Variants in METTL22 observed in about 807,000 individuals in gnomAD.
METTL22 encodes the protein methyltransferase-like protein 22.
A neutral mutation model predicts 48.4 loss-of-function variants in METTL22; 51 were observed. The ratio of observed to expected loss-of-function variants is 1.05; its 90% CI spans 0.84 to 1.33. The LOEUF is 1.33. Ranked by LOEUF, METTL22 falls within the 40% of genes most tolerant of loss-of-function variation. METTL22 has a pLI of 0.00. For missense variants in METTL22, 678 were observed against 526.9 expected (o/e 1.29, Z -2.81); for synonymous variants, 255 against 214.1 (o/e 1.19, Z -1.67).
chr16:8,643,590 G>GT, intron 9 of METTL22, among the ~76,000 whole-genome samples: 1 of 152,256 alleles, frequency 6.6e-6, no homozygotes, highest in East Asian at 1.9e-4. Flanking sequence ...GCTGAAGCTG[G>GT]TAATGGGTTC....
At chr16:8,655,445 A>ACAG in the METTL22 span, among the ~76,000 whole-genome samples, 1 of 152,232 alleles carries the variant, frequency 6.6e-6, no homozygotes, top group Non-Finnish European at 1.5e-5. Context: ...CCAGGACATG[A>ACAG]CAGCAGCTTT....
the METTL22 span, among the ~76,000 whole-genome samples, chr16:8,660,800 GA>G: frequency 0.41 from 7,638 of 18,514 alleles, 872 homozygotes; most frequent in Non-Finnish European, 0.42. Flanking sequence ...GGAGGAGGAG[GA>G]GGAGGAGGAG....
chr16:8,664,640 T>G, the METTL22 span, among the ~76,000 whole-genome samples: 1 of 152,042 alleles, frequency 6.6e-6, no homozygotes, highest in South Asian at 2.1e-4. Flanking sequence ...TTTTGTATTT[T>G]TGTAAAGATG....
chr16:8,635,409 T>C, intron 5 of METTL22, 97 bp downstream of exon 5: 1 of 1,403,556 alleles, frequency 7.1e-7, no homozygotes, highest in Non-Finnish European at 9.4e-7. Flanking sequence ...GGAAATTGGA[T>C]GTTAGCTGTT....
chr16:8,646,669 T>C lies in METTL22; in HGVS notation c.*526T>C. 1 of 457,812 alleles carries C rather than the reference T, an allele frequency of 2.2e-6. No individual in the cohort carries two copies. The allele number at this position is 457,812 out of a possible 1,614,324, so 28.4% of individuals were successfully genotyped here. A position where few individuals can be genotyped will look rare whatever the true frequency, so the allele number is the denominator to read the frequency against. On this transcript the variant is annotated 3_prime_UTR_variant, in exon 11 of 11. Transcript: ENST00000381920. The stretch of plus-strand genomic sequence containing the variant: ...AAGAGGCAGGAGCTGGCGCCAGGAA[T>C]GGACTGGCATTGGCCTTTGTATTTA...
rs182729902 is a variant in METTL22, at chr16:8,647,628, C to G, written c.*1485C>G. Reference sequence around the variant, plus strand: ...GCATCCCCCACAACACAAAATGATCCAGCCCAAAATGTGAGTAGCGCCGAG... The same window carrying G: ...GCATCCCCCACAACACAAAATGATCGAGCCCAAAATGTGAGTAGCGCCGAG... On this transcript the variant is annotated 3_prime_UTR_variant, in exon 11 of 11. Transcript: ENST00000381920. 3.7e-4 allele frequency: 56 copies of G among 152,286 alleles called. 1 individual carries two copies. The highest frequency in any genetic ancestry group is 1.3e-3 in the African/African-American group (54 of 41,542). 9.4% of individuals were successfully genotyped at this position (152,286 alleles called of 1,614,324 possible).
At chr16:8,646,011 T>C in intron 10 of METTL22, 97 bp from the exon 11 acceptor site, 2 of 1,570,844 alleles carry the variant, frequency 1.3e-6, no homozygotes, top group Non-Finnish European at 1.7e-6. Context: ...TGACGTGTTG[T>C]CTAACTACTC....
rs542689767 is a variant in METTL22 at position 8,644,643 on chromosome 16, C to T, written c.1097C>T (p.Ala366Val). Residue 366 changes from alanine (A) to valine (V), a missense_variant, in exon 10 of 11, where the codon GCA becomes GTA. Transcript: ENST00000381920. ...TGCCTGCACGCGCTGGAGCAGCTCG[C>T]AGATGGCAAGCTGCGCTTCGTGGTG... ...RSCLHALEQLADGKLRFVVEP... is the reference protein window; with the variant it reads ...RSCLHALEQLVDGKLRFVVEP... 6.8e-6 allele frequency: 11 copies of T among 1,606,962 alleles called. No homozygotes were observed. The South Asian group carries it at 1.2e-4, about 18-fold the overall frequency.
At chr16:8,662,748 G>A in the METTL22 span, among the ~76,000 whole-genome samples, 3 of 144,146 alleles carry the variant, frequency 2.1e-5, no homozygotes, top group African/African-American at 5.2e-5. Context: ...GTTAGAACAT[G>A]GCACCTGGCA....
intron 5 of METTL22, among the ~76,000 whole-genome samples, chr16:8,637,825 C>G (rs2056468717): frequency 6.6e-6 from 1 of 152,096 alleles, no homozygotes; most frequent in Non-Finnish European, 1.5e-5. Flanking sequence ...TTGACAGAAA[C>G]TATCATAAAG....
the METTL22 span, among the ~76,000 whole-genome samples, chr16:8,656,098 G>A: frequency 6.6e-6 from 1 of 152,132 alleles, no homozygotes; most frequent in African/African-American, 2.4e-5. Flanking sequence ...TTAGAGACAG[G>A]TCTCGCCATG....
chr16:8,621,754 C>T lies in METTL22; in HGVS notation c.-192C>T, dbSNP rs966040911. 1 of 152,272 alleles carries T rather than the reference C, an allele frequency of 6.6e-6. No individual in the cohort carries two copies. The highest frequency in any genetic ancestry group is 2.4e-5 in the African/African-American group (1 of 41,458). The allele number at this position is 152,272 out of a possible 1,614,324, so 9.4% of individuals were successfully genotyped here. A position where few individuals can be genotyped will look rare whatever the true frequency, so the allele number is the denominator to read the frequency against. On this transcript the variant is annotated 5_prime_UTR_variant, in exon 1 of 11. Transcript: ENST00000381920. ...CACAGAGACGGGAGTCGGGTGGGAT[C>T]CCAGGCTGGGCCCCGCGGCGGGTAA...
In METTL22 at chr16:8,622,138, C is replaced by T. The variant is rs2055873594; in HGVS notation, c.-171+363C>T. On this transcript the variant is annotated intron_variant, in intron 1 of 10. Transcript: ENST00000381920. ...CGGGGGACGTCCCCGGAGCCCCTCA[C>T]TACCACTCTACGCACCGTGGCCAGG... Among the ~76,000 whole-genome samples the T allele has an allele frequency of 2.0e-5, 3 of 152,254 alleles. No homozygotes were observed. The South Asian group carries it at 6.2e-4, about 32-fold the overall frequency.
chr16:8,635,719 G>A (rs1417610209), intron 5 of METTL22, among the ~76,000 whole-genome samples: 5 of 152,226 alleles, frequency 3.3e-5, no homozygotes, highest in Admixed American at 6.5e-5. Context: ...TTTTAAAACA[G>A]TACATAAAAA....
chr16:8,639,883 C>T (rs1031987953), intron 6 of METTL22, among the ~76,000 whole-genome samples: 23 of 151,720 alleles, frequency 1.5e-4, no homozygotes, highest in African/African-American at 3.9e-4. Context: ...CTGTCTGCAG[C>T]GCCCCCCACC....
chr16:8,644,660 T>G lies in METTL22; in HGVS notation c.1114T>G (p.Phe372Val). The G allele has an allele frequency of 6.2e-7, 1 of 1,606,952 alleles. No homozygotes were observed. The highest frequency in any genetic ancestry group is 8.5e-7 in the Non-Finnish European group (1 of 1,176,950). The stretch of plus-strand genomic sequence containing the variant: ...GCAGCTCGCAGATGGCAAGCTGCGC[T>G]TCGTGGTGGAGCCCGTGGAGGCCTC... ...LEQLADGKLR[F>V]VVEPVEASFP... The change falls in exon 10 of 11, where the codon TTC becomes GTC. Residue 372 changes from phenylalanine to valine, a missense_variant. By Grantham distance (50) the Phe-to-Val change is conservative. Coordinates refer to ENST00000381920, the MANE Select transcript of METTL22 (RefSeq NM_024109.4).
the METTL22 span, among the ~76,000 whole-genome samples, chr16:8,657,069 GGAATACACT>G: frequency 9.2e-5 from 14 of 152,278 alleles, no homozygotes; most frequent in Non-Finnish European, 1.8e-4. Context: ...TGTTACAATA[GGAATACACT>G]TCATCATGAG....
chr16:8,635,093 G>T lies in METTL22; in HGVS notation c.555+14G>T. The T allele has an allele frequency of 6.2e-7, 1 of 1,614,006 alleles. No homozygotes were observed. The highest frequency in any genetic ancestry group is 8.5e-7 in the Non-Finnish European group (1 of 1,180,010). ...GTTGGCAAGCAGGTGGGTAGGTCTTGTCCGCTTCCTGTGGCCCTGATGGGT... is the reference window on the plus strand; with the variant it reads ...GTTGGCAAGCAGGTGGGTAGGTCTTTTCCGCTTCCTGTGGCCCTGATGGGT... On this transcript the variant is annotated intron_variant, in intron 4 of 10. Coordinates refer to ENST00000381920, the MANE Select transcript of METTL22 (RefSeq NM_024109.4).
At chr16:8,652,315 C>T (rs138960216), downstream of METTL22, among the ~76,000 whole-genome samples, 77 of 151,376 alleles carry the variant, frequency 5.1e-4, no homozygotes, top group Admixed American at 2.2e-3. Context: ...AAAAATTAGC[C>T]GGGCGTGGTG....
Sources: gnomAD v4.1 joint callset for allele counts (sites outside exome capture counted in the v4.1 genomes callset) on GRCh38, gnomAD v4.1.1 for gene constraint, MANE v1.5 for transcripts, NCBI Gene and HGNC (gene_info 2026-07-23, HGNC 2026-07-21) for gene names.